Variants in GEMIN5 observed in about 807,000 individuals in gnomAD.
The protein encoded by GEMIN5 is gem nuclear organelle associated protein 5.
A neutral mutation model predicts 176.9 loss-of-function variants in GEMIN5; 124 were observed. That is an observed-to-expected ratio of 0.70 (90% CI 0.61 to 0.81). The LOEUF (loss-of-function observed/expected upper bound fraction) is 0.81. Ranked by LOEUF, GEMIN5 falls within the 40% of genes least tolerant of loss-of-function variation. The probability of loss-of-function intolerance (pLI) is 0.00; values close to 1 mark genes in which losing one functional copy is unlikely to be tolerated. For missense variants in GEMIN5, 1,843 were observed against 1,814.6 expected, an observed-to-expected ratio of 1.02 and a Z score of -0.28; for synonymous variants, 673 against 665.2, an observed-to-expected ratio of 1.01 and a Z score of -0.18.
At position 154,892,494 on chromosome 5, in the gene GEMIN5, G is replaced by A; in HGVS notation, c.3653C>T (p.Ala1218Val). 6.2e-7 allele frequency: 1 copy of A among 1,614,196 alleles called. No individual in the cohort carries two copies. The highest frequency in any genetic ancestry group is 8.5e-7 in the Non-Finnish European group (1 of 1,180,026). The change falls in exon 25 of 28, where the codon GCC (alanine) becomes GTC (valine). Residue 1218 changes from alanine (A) to valine (V), a missense_variant. Ala to Val is a moderately conservative substitution (Grantham distance 64, BLOSUM62 0). Coordinates refer to ENST00000285873, the MANE Select transcript of GEMIN5 (RefSeq NM_015465.5). ...CGCCTGCACAGCCTCGTCCCAGGAG[G>A]CCATCTGTTGGCTCAGCACTGCCAG... Reference protein sequence around the residue: ...LTLAVLSQQMASWDEAVQALL... With the variant: ...LTLAVLSQQMVSWDEAVQALL...
At chr5:154,916,302 T>C (rs1354057271) in intron 13 of GEMIN5, among the ~76,000 whole-genome samples, 1 of 152,192 alleles carries the variant, frequency 6.6e-6, no homozygotes, top group Non-Finnish European at 1.5e-5. Context: ...ATATTATATA[T>C]AGCAATTTAT....
chr5:154,921,068 CATG>C (rs1393590217), intron 10 of GEMIN5, among the ~76,000 whole-genome samples: 1 of 152,238 alleles, frequency 6.6e-6, no homozygotes, highest in South Asian at 2.1e-4. Context: ...CAGGACCCAG[CATG>C]ATAACTATAC....
Position 154,921,398 on chromosome 5 carries a change from A to G in GEMIN5, c.1407T>C (p.His469=), listed in dbSNP as rs766924056. The part of the protein sequence containing the change: ...NKPPQISSTY[H]KKTVYTLAWG... ...AGGCTAAAGTATATACAGTCTTCTTATGATATGTGCTAGAAATCTGTGGAG... is the reference window on the plus strand; with the variant it reads ...AGGCTAAAGTATATACAGTCTTCTTGTGATATGTGCTAGAAATCTGTGGAG... The change falls in exon 10 of 28, where the codon CAT becomes CAC. Residue 469 remains histidine (H), a synonymous_variant. Transcript: ENST00000285873. 4.1e-5 allele frequency: 61 copies of G among 1,486,482 alleles called. No homozygotes were observed. Among genetic ancestry groups the G allele is most frequent in the Non-Finnish European group, 5.4e-5 (58 of 1,083,970 alleles). 92.1% of individuals were successfully genotyped at this position (1,486,482 alleles called of 1,614,324 possible). A position where few individuals can be genotyped will look rare whatever the true frequency, so the allele number is the denominator to read the frequency against.
At chr5:154,933,002 TGTCA>T (rs1469354735) in intron 3 of GEMIN5, among the ~76,000 whole-genome samples, 1 of 152,244 alleles carries the variant, frequency 6.6e-6, no homozygotes. Flanking sequence ...ATTCCAAGGC[TGTCA>T]TTTTATGAAT....
rs776037244 is a variant in GEMIN5, at chr5:154,931,622, G to A, written c.662-45C>T. ...TTTGTTTTTAATTTACATTAAACAC[G>A]CACTAATATAAAAAAATTAGTTTGC... On this transcript the variant is annotated intron_variant, in intron 4 of 27. Transcript: ENST00000285873. 8 of 1,501,398 alleles carry A rather than the reference G, an allele frequency of 5.3e-6. No homozygotes were observed. In the East Asian group the frequency reaches 9.2e-5, roughly 17 times the overall value. 93.0% of individuals were successfully genotyped at this position (1,501,398 alleles called of 1,614,324 possible).
chr5:154,902,482 C>T (rs752231245), intron 20 of GEMIN5, 57 bp downstream of exon 20: 9 of 1,540,550 alleles, frequency 5.8e-6, no homozygotes, highest in East Asian at 4.5e-5. Flanking sequence ...CTTTAGTGGA[C>T]GTATCCTAGA....
At chr5:154,925,799 G>T in intron 8 of GEMIN5, 63 bp downstream of exon 8, 1 of 873,020 alleles carries the variant, frequency 1.1e-6, no homozygotes, top group Non-Finnish European at 1.9e-6. Flanking sequence ...AAATGAACAG[G>T]CATAAAAGAG....
Position 154,938,130 on chromosome 5 carries a change from C to G in GEMIN5, c.4G>C (p.Gly2Arg). 1.4e-6 allele frequency: 2 copies of G among 1,389,352 alleles called. No individual in the cohort carries two copies. Among genetic ancestry groups the G allele is most frequent in the South Asian group, 1.7e-5 (1 of 57,678 alleles). The allele number at this position is 1,389,352 out of a possible 1,614,324, so 86.1% of individuals were successfully genotyped here. The change falls in exon 1 of 28, where the codon GGG becomes CGG. Residue 2 changes from glycine to arginine, a missense_variant. Gly to Arg is a moderately radical substitution (Grantham distance 125). Coordinates refer to ENST00000285873, the MANE Select transcript of GEMIN5 (RefSeq NM_015465.5). MGQEPRTLPPSP... is the reference protein window; with the variant it reads MRQEPRTLPPSP... ...GGCGGCAGCGTCCGCGGCTCCTGCC[C>G]CATAACTACAAGCCGTCAGAGACAA...
intron 14 of GEMIN5, 147 bp downstream of exon 14, chr5:154,912,752 C>A: frequency 1.6e-6 from 1 of 626,682 alleles, no homozygotes; most frequent in South Asian, 2.7e-5. Context: ...TGGAATGAAA[C>A]TAAAATGCCT....
At chr5:154,916,902 TATA>T (rs1763820786) in intron 13 of GEMIN5, 93 bp downstream of exon 13, 2 of 613,208 alleles carry the variant, frequency 3.3e-6, no homozygotes, top group African/African-American at 3.8e-5. Flanking sequence ...CTTATTTTAT[TATA>T]ATGTCAAAAA....
At chr5:154,932,275 T>A in intron 3 of GEMIN5, 25 bp from the exon 4 acceptor site, 1 of 1,558,192 alleles carries the variant, frequency 6.4e-7, no homozygotes. Context: ...TTAGAAATAT[T>A]ACTAAAAAAA....
chr5:154,913,954 C>A (rs565670445), intron 13 of GEMIN5, among the ~76,000 whole-genome samples: 5 of 152,282 alleles, frequency 3.3e-5, no homozygotes, highest in South Asian at 2.1e-4. Context: ...TGAGCTATAA[C>A]TGCACCACTA....
At position 154,938,182 on chromosome 5, in the gene GEMIN5, T is replaced by G; in HGVS notation, c.-49A>C. 7.7e-7 allele frequency: 1 copy of G among 1,304,202 alleles called. No homozygotes were observed. The highest frequency in any genetic ancestry group is 9.9e-7 in the Non-Finnish European group (1 of 1,013,938). The allele number at this position is 1,304,202 out of a possible 1,614,324, so 80.8% of individuals were successfully genotyped here. Reference sequence around the variant, plus strand: ...AGAAGCTGCCACAGCCGACCGCTCGTAGCCTCACGCCTTAGGTAGGGAGCG... The same window carrying G: ...AGAAGCTGCCACAGCCGACCGCTCGGAGCCTCACGCCTTAGGTAGGGAGCG... On this transcript the variant is annotated 5_prime_UTR_variant, in exon 1 of 28. Coordinates refer to ENST00000285873, the MANE Select transcript of GEMIN5 (RefSeq NM_015465.5).
At chr5:154,909,458 T>C (rs562226664) in intron 15 of GEMIN5, among the ~76,000 whole-genome samples, 72 of 152,308 alleles carry the variant, frequency 4.7e-4, no homozygotes, top group South Asian at 1.5e-3. Context: ...ATTTACATTT[T>C]AAGGTTTTTA....
intron 18 of GEMIN5, among the ~76,000 whole-genome samples, chr5:154,904,042 A>C (rs909135644): frequency 2.0e-5 from 3 of 152,184 alleles, no homozygotes; most frequent in African/African-American, 7.2e-5. Context: ...GAAAAACAAA[A>C]ATAAAACAAC....
chr5:154,910,729 C>T (rs1286229935), intron 15 of GEMIN5, among the ~76,000 whole-genome samples: 1 of 152,192 alleles, frequency 6.6e-6, no homozygotes, highest in Non-Finnish European at 1.5e-5. Context: ...GACGGAGTCT[C>T]GCTGTGTCAC....
At position 154,907,764 on chromosome 5, in the gene GEMIN5, G is replaced by A. The variant is rs1455664536; in HGVS notation, c.2222C>T (p.Pro741Leu). 6.2e-7 allele frequency: 1 copy of A among 1,613,904 alleles called. No individual in the cohort carries two copies. Among genetic ancestry groups the A allele is most frequent in the African/African-American group, 1.3e-5 (1 of 74,832 alleles). ...CAAGGTGGGCTTTTTCTTCTTTTTGGGCTTTGCCTTAGGTTGAGAGAGCCG... is the reference window on the plus strand; with the variant it reads ...CAAGGTGGGCTTTTTCTTCTTTTTGAGCTTTGCCTTAGGTTGAGAGAGCCG... ...KKRLSQPKAK[P>L]KKKKKPTLRT... The change falls in exon 16 of 28, where the codon CCC (proline) becomes CTC (leucine). Residue 741 changes from proline (P) to leucine (L), a missense_variant. Coordinates refer to ENST00000285873, the MANE Select transcript of GEMIN5 (RefSeq NM_015465.5).
rs957342091 is a variant in GEMIN5 at position 154,930,891 on chromosome 5, C to T, written c.781+567G>A. 3.2e-4 allele frequency among the ~76,000 whole-genome samples: 48 copies of T among 152,138 alleles called. 1 individual carries two copies. Among genetic ancestry groups the T allele is most frequent in the African/African-American group, 1.1e-3 (46 of 41,518 alleles). On this transcript the variant is annotated intron_variant, in intron 5 of 27. Coordinates refer to ENST00000285873, the MANE Select transcript of GEMIN5 (RefSeq NM_015465.5). ...GAGAAGCCCGCTAGAAAGAGAAAAA[C>T]AAGATTTTTACTATAAAGGTTATAT...
chr5:154,893,050 T>C (rs2113454268), intron 24 of GEMIN5, among the ~76,000 whole-genome samples: 1 of 151,318 alleles, frequency 6.6e-6, no homozygotes, highest in East Asian at 2.0e-4. Flanking sequence ...TGAGCTGAGA[T>C]TGCGCCACTG....
Sources: gnomAD v4.1 joint callset for allele counts (sites outside exome capture counted in the v4.1 genomes callset) on GRCh38, gnomAD v4.1.1 for gene constraint, MANE v1.5 for transcripts, NCBI Gene and HGNC (gene_info 2026-07-23, HGNC 2026-07-21) for gene names.